LCOR: variants seen among roughly 807,000 people sequenced by gnomAD.
The protein encoded by LCOR is ligand-dependent corepressor.
Under a neutral mutation model 64.4 loss-of-function variants are expected in LCOR, and 14 were observed. The ratio of observed to expected loss-of-function variants is 0.22; its 90% CI spans 0.14 to 0.34. The LOEUF (loss-of-function observed/expected upper bound fraction) is 0.34, where lower values mean the gene tolerates loss of function less well. Ranked by LOEUF, LCOR falls within the 10% of genes least tolerant of loss-of-function variation. LCOR has a pLI of 1.00. For synonymous variants in LCOR, 643 were observed against 642.5 expected (o/e 1.00, Z -0.01); for missense variants, 1,686 against 1,765.3 (o/e 0.96, Z 0.80).
intron 2 of LCOR, among the ~76,000 whole-genome samples, chr10:96,883,565 CA>C (rs905223105): frequency 4.6e-5 from 7 of 152,184 alleles, no homozygotes; most frequent in African/African-American, 7.2e-5. Flanking sequence ...GGTTGTATCT[CA>C]TTGTTGTTTC....
intron 7 of LCOR, chr10:96,963,190 A>G (rs567087014): frequency 9.2e-5 from 14 of 151,978 alleles, no homozygotes; most frequent in African/African-American, 3.4e-4. Context: ...AGCAGATAAT[A>G]TGGGGGTTCC....
At chr10:96,869,007 A>G (rs977978292) in intron 2 of LCOR, among the ~76,000 whole-genome samples, 11 of 151,940 alleles carry the variant, frequency 7.2e-5, no homozygotes, top group African/African-American at 2.4e-4. Flanking sequence ...CCAGGTTCAA[A>G]TGATTCTCCC....
intron 7 of LCOR, among the ~76,000 whole-genome samples, chr10:96,976,084 G>A (rs1344487880): frequency 1.3e-5 from 2 of 152,178 alleles, no homozygotes; most frequent in Non-Finnish European, 2.9e-5. Context: ...ATCAAACCAG[G>A]TGGGGTAGTT....
rs1005069356 is a variant in LCOR, at chr10:96,992,816, C to T, written c.*7682C>T. Reference sequence around the variant, plus strand: ...AGCATTAAGGTGTATTTCCAGTTCCCCTTTCATGTTGGTGAAAGACACCTA... The same window carrying T: ...AGCATTAAGGTGTATTTCCAGTTCCTCTTTCATGTTGGTGAAAGACACCTA... On this transcript the variant is annotated 3_prime_UTR_variant, in exon 8 of 8. Coordinates refer to ENST00000421806, the MANE Select transcript of LCOR (RefSeq NM_001346516.2). 6.6e-6 allele frequency: 1 copy of T among 152,212 alleles called. No individual in the cohort carries two copies. The highest frequency in any genetic ancestry group is 1.5e-5 in the Non-Finnish European group (1 of 68,040). 9.4% of individuals were successfully genotyped at this position (152,212 alleles called of 1,614,324 possible).
At chr10:96,955,077 C>G in intron 7 of LCOR, 2 of 1,614,204 alleles carry the variant, frequency 1.2e-6, no homozygotes, top group Non-Finnish European at 1.7e-6. Context: ...CAAAGTTCCA[C>G]TGGCTCGATC....
In LCOR at chr10:96,832,315, T is replaced by C. The variant is rs1845348052; in HGVS notation, c.-488T>C. The C allele has an allele frequency of 1.8e-5, 18 of 982,610 alleles. No homozygotes were observed. The highest frequency in any genetic ancestry group is 2.2e-5 in the Non-Finnish European group (18 of 828,844). The allele number at this position is 982,610 out of a possible 1,614,324, so 60.9% of individuals were successfully genotyped here. On this transcript the variant is annotated 5_prime_UTR_variant, in exon 1 of 8. Coordinates refer to ENST00000421806, the MANE Select transcript of LCOR (RefSeq NM_001346516.2). ...CGGGCGGCAGAAGATGGCGAGGGTG[T>C]GTAGGCGGCAGCAATGCTCCGTTGA...
In LCOR at chr10:96,958,585, C is replaced by T. The variant is rs936446317; in HGVS notation, c.332+6389C>T. 8 of 623,256 alleles carry T rather than the reference C, an allele frequency of 1.3e-5. No homozygotes were observed. In the African/African-American group the frequency reaches 1.5e-4, roughly 11 times the overall value. The allele number at this position is 623,256 out of a possible 1,614,324, so 38.6% of individuals were successfully genotyped here. Reference sequence around the variant, plus strand: ...GTGAATTTAAAAAACAAACCAAACTCTAAACTTTCTCAGATTAAAAGTCCT... The same window carrying T: ...GTGAATTTAAAAAACAAACCAAACTTTAAACTTTCTCAGATTAAAAGTCCT... On this transcript the variant is annotated intron_variant, in intron 7 of 7. Coordinates refer to ENST00000421806, the MANE Select transcript of LCOR (RefSeq NM_001346516.2).
intron 2 of LCOR, among the ~76,000 whole-genome samples, chr10:96,854,086 A>T (rs987586094): frequency 6.6e-6 from 1 of 152,190 alleles, no homozygotes; most frequent in Non-Finnish European, 1.5e-5. Context: ...TCACCCTGGC[A>T]TGACAGAAAT....
intron 2 of LCOR, among the ~76,000 whole-genome samples, chr10:96,895,476 A>G (rs1846521209): frequency 6.6e-6 from 1 of 152,218 alleles, no homozygotes; most frequent in South Asian, 2.1e-4. Context: ...TGCTTTATCT[A>G]ATAATCTGTT....
At chr10:96,927,865 C>T (rs1021622551) in intron 4 of LCOR, among the ~76,000 whole-genome samples, 1 of 152,136 alleles carries the variant, frequency 6.6e-6, no homozygotes, top group African/African-American at 2.4e-5. Context: ...CACAATAAAG[C>T]AAGTCACATT....
intron 7 of LCOR, among the ~76,000 whole-genome samples, chr10:96,969,035 G>T (rs535141375): frequency 6.6e-6 from 1 of 152,216 alleles, no homozygotes; most frequent in Non-Finnish European, 1.5e-5. Context: ...ATCTGTAAAA[G>T]AGGGTCATAG....
chr10:96,931,559 TTTC>T (rs1468871793), intron 4 of LCOR, among the ~76,000 whole-genome samples: 1 of 152,102 alleles, frequency 6.6e-6, no homozygotes, highest in Non-Finnish European at 1.5e-5. Flanking sequence ...TATAGCTCTT[TTTC>T]TTTCTGCTTC....
rs139684596 is a variant in LCOR, at chr10:96,890,602, G to A, written c.-329-16663G>A. Reference sequence around the variant, plus strand: ...TGCTAGAACTTCTAGACAATGTTGAGTAGAAATGGTAAGAGCAGACATCCT... The same window carrying A: ...TGCTAGAACTTCTAGACAATGTTGAATAGAAATGGTAAGAGCAGACATCCT... On this transcript the variant is annotated intron_variant, in intron 2 of 7. Transcript: ENST00000421806. Among the ~76,000 whole-genome samples the A allele has an allele frequency of 2.5e-4, 38 of 152,190 alleles. 1 individual carries two copies. In the East Asian group the frequency reaches 7.3e-3, roughly 29 times the overall value.
intron 2 of LCOR, among the ~76,000 whole-genome samples, chr10:96,855,042 T>C (rs1845780159): frequency 6.6e-6 from 1 of 152,198 alleles, no homozygotes; most frequent in Non-Finnish European, 1.5e-5. Flanking sequence ...TTGAGTTCCA[T>C]ATGATTTGGA....
At chr10:96,884,579 A>G (rs1846312442) in intron 2 of LCOR, among the ~76,000 whole-genome samples, 3 of 152,178 alleles carry the variant, frequency 2.0e-5, no homozygotes, top group African/African-American at 4.8e-5. Flanking sequence ...AAACATAAGA[A>G]TCACCTGGAA....
chr10:96,870,018 A>T (rs956593527), intron 2 of LCOR, among the ~76,000 whole-genome samples: 1 of 152,142 alleles, frequency 6.6e-6, no homozygotes, highest in African/African-American at 2.4e-5. Context: ...TTCAGAGCCT[A>T]AACTTCTAAC....
chr10:96,969,293 A>G (rs1241096711), intron 7 of LCOR, among the ~76,000 whole-genome samples: 2 of 152,226 alleles, frequency 1.3e-5, no homozygotes, highest in Non-Finnish European at 2.9e-5. Context: ...TTGTTCAAGA[A>G]CCTAAAAATA....
rs1848218075 is a variant in LCOR, at chr10:96,993,468, T to C, written c.*8334T>C. 1 of 152,208 alleles carries C rather than the reference T, an allele frequency of 6.6e-6. No individual in the cohort carries two copies. The highest frequency in any genetic ancestry group is 2.1e-4 in the South Asian group (1 of 4,834). The allele number at this position is 152,208 out of a possible 1,614,324, so 9.4% of individuals were successfully genotyped here. On this transcript the variant is annotated 3_prime_UTR_variant, in exon 8 of 8. Coordinates refer to ENST00000421806, the MANE Select transcript of LCOR (RefSeq NM_001346516.2). Reference sequence around the variant, plus strand: ...TTAACTTTGCAGGAAGAAATAAATTTTGCTCTCGTCTAAATGTTCACAAGA... The same window carrying C: ...TTAACTTTGCAGGAAGAAATAAATTCTGCTCTCGTCTAAATGTTCACAAGA...
chr10:96,921,291 G>T (rs1193127869), intron 4 of LCOR, among the ~76,000 whole-genome samples: 1 of 151,854 alleles, frequency 6.6e-6, no homozygotes, highest in Middle Eastern at 3.4e-3. Context: ...CTGTTCTTTT[G>T]GAGTTGTATA....
Sources: gnomAD v4.1 joint callset for allele counts (sites outside exome capture counted in the v4.1 genomes callset) on GRCh38, gnomAD v4.1.1 for gene constraint, MANE v1.5 for transcripts, NCBI Gene and HGNC (gene_info 2026-07-23, HGNC 2026-07-21) for gene names.